MAPRE2: variants seen among roughly 807,000 people sequenced by gnomAD.
The protein encoded by MAPRE2 is microtubule-associated protein RP/EB family member 2.
Under a neutral mutation model 43.2 loss-of-function variants are expected in MAPRE2, and 13 were observed. The observed-to-expected ratio is 0.30, with a 90% CI of 0.20 to 0.48. MAPRE2 has a LOEUF of 0.48. Among genes scored for constraint, MAPRE2 ranks in the 20% least tolerant of loss-of-function variants. The pLI is 0.99. For missense variants in MAPRE2, 161 were observed against 400.2 expected, an observed-to-expected ratio of 0.40 and a Z score of 5.10; for synonymous variants, 135 against 148.8, an observed-to-expected ratio of 0.91 and a Z score of 0.68.
At chr18:35,036,899 T>C (rs2097050856), upstream of MAPRE2, among the ~76,000 whole-genome samples, 2 of 152,230 alleles carry the variant, frequency 1.3e-5, no homozygotes, top group Admixed American at 1.3e-4. Context: ...GCCCTTGCTC[T>C]AAGGGGTCTC....
At chr18:35,051,278 G>A (rs554329052) in intron 1 of MAPRE2, among the ~76,000 whole-genome samples, 4 of 152,290 alleles carry the variant, frequency 2.6e-5, no homozygotes, top group South Asian at 4.1e-4. Context: ...CTAGGCAGGG[G>A]TCTGGCAGGA....
intron 4 of MAPRE2, among the ~76,000 whole-genome samples, chr18:35,118,197 T>C (rs745575364): frequency 3.9e-5 from 6 of 152,092 alleles, no homozygotes; most frequent in Non-Finnish European, 7.4e-5. Flanking sequence ...GACCACTCTG[T>C]GCCACAGCAG....
intron 4 of MAPRE2, among the ~76,000 whole-genome samples, chr18:35,122,602 C>T (rs1397073545): frequency 6.6e-6 from 1 of 152,214 alleles, no homozygotes; most frequent in African/African-American, 2.4e-5. Context: ...TCTTCCTTCA[C>T]TCAGCCTGCA....
At chr18:35,005,771 C>T (rs1418946970) in intron 2 of MAPRE2, among the ~76,000 whole-genome samples, 1 of 152,072 alleles carries the variant, frequency 6.6e-6, no homozygotes, top group Non-Finnish European at 1.5e-5. Flanking sequence ...GTAATTCCTC[C>T]AAAAATGGTC....
intron 2 of MAPRE2, among the ~76,000 whole-genome samples, chr18:35,024,624 A>T (rs1200179408): frequency 6.6e-6 from 1 of 152,186 alleles, no homozygotes; most frequent in East Asian, 1.9e-4. Context: ...TTCATTTCCC[A>T]TTTTGGAGAG....
chr18:35,091,622 A>C (rs1156301628), intron 2 of MAPRE2, among the ~76,000 whole-genome samples: 1 of 152,192 alleles, frequency 6.6e-6, no homozygotes, highest in Non-Finnish European at 1.5e-5. Flanking sequence ...TACTGAACAA[A>C]AAGAACAATG....
intron 4 of MAPRE2, among the ~76,000 whole-genome samples, chr18:35,105,489 A>G (rs1054561144): frequency 3.9e-5 from 6 of 152,138 alleles, no homozygotes; most frequent in African/African-American, 1.2e-4. Flanking sequence ...CTATAAATGC[A>G]TTAAGACCTC....
chr18:34,995,187 A>C (rs2097025857), intron 1 of MAPRE2, among the ~76,000 whole-genome samples: 1 of 152,224 alleles, frequency 6.6e-6, no homozygotes. Context: ...AAGTATGGGC[A>C]ATCTCAAATT....
Position 35,041,475 on chromosome 18 carries a change from A to G in MAPRE2, c.-65A>G. 5.0e-6 allele frequency: 8 copies of G among 1,612,016 alleles called. No homozygotes were observed. The highest frequency in any genetic ancestry group is 1.3e-5 in the African/African-American group (1 of 74,966). On this transcript the variant is annotated 5_prime_UTR_variant, in exon 1 of 7. Transcript: ENST00000300249. ...GTGCGGAGCAGGCGAGCGAGCGGGA[A>G]GACGCAGCCACCTTCCTCACCAGCC...
rs1308062969 is a variant in MAPRE2 at position 35,142,157 on chromosome 18, A to T, written c.*1788A>T. On this transcript the variant is annotated 3_prime_UTR_variant, in exon 7 of 7. Coordinates refer to ENST00000300249, the MANE Select transcript of MAPRE2 (RefSeq NM_014268.4). ...GCTCTCGGCAGTGACGTCCTCCCAC[A>T]CCTGGTCACAAGTAGTAGTGGCTGT... 6.6e-6 allele frequency: 1 copy of T among 152,220 alleles called. No individual in the cohort carries two copies. The highest frequency in any genetic ancestry group is 1.9e-4 in the East Asian group (1 of 5,192). 9.4% of individuals were successfully genotyped at this position (152,220 alleles called of 1,614,324 possible).
intron 2 of MAPRE2, among the ~76,000 whole-genome samples, chr18:35,007,861 C>T (rs898506168): frequency 3.3e-5 from 5 of 152,050 alleles, no homozygotes; most frequent in Non-Finnish European, 5.9e-5. Flanking sequence ...CTTCCATATC[C>T]GTGGATTCCA....
At chr18:34,987,329 C>T (rs1568962903) in intron 1 of MAPRE2, among the ~76,000 whole-genome samples, 1 of 152,168 alleles carries the variant, frequency 6.6e-6, no homozygotes, top group Non-Finnish European at 1.5e-5. Context: ...ATCAGCATCA[C>T]CTAGGAGTGT....
intron 1 of MAPRE2, among the ~76,000 whole-genome samples, chr18:34,992,737 T>C (rs997651348): frequency 1.3e-5 from 2 of 152,228 alleles, no homozygotes; most frequent in African/African-American, 4.8e-5. Context: ...AATAGGCAGA[T>C]GCAGTGATAA....
At chr18:35,012,705 A>T (rs2150583648) in intron 2 of MAPRE2, among the ~76,000 whole-genome samples, 1 of 152,308 alleles carries the variant, frequency 6.6e-6, no homozygotes, top group African/African-American at 2.4e-5. Context: ...AAATTCATGG[A>T]GACAGAAAGT....
chr18:35,086,312 A>T (rs1442145806), intron 2 of MAPRE2, among the ~76,000 whole-genome samples: 3 of 151,798 alleles, frequency 2.0e-5, no homozygotes, highest in Non-Finnish European at 4.4e-5. Context: ...TCTCATATAT[A>T]TGGGCGATCA....
At position 35,140,351 on chromosome 18, in the gene MAPRE2, G is replaced by A. The variant is rs140836474; in HGVS notation, c.966G>A (p.Pro322=). 8.6e-3 allele frequency: 13,950 copies of A among 1,613,118 alleles called. 72 individuals carry two copies. The highest frequency in any genetic ancestry group is 0.026 in the Middle Eastern group (157 of 6,060). ...AEEQAHEQQP[P]QQEEY ...AGCAAGCCCACGAACAGCAGCCCCCGCAGCAGGAAGAGTACTGACCCACCC... is the reference window on the plus strand; with the variant it reads ...AGCAAGCCCACGAACAGCAGCCCCCACAGCAGGAAGAGTACTGACCCACCC... Residue 322 remains proline (P), a synonymous_variant, in exon 7 of 7, where the codon CCG becomes CCA. Transcript: ENST00000300249.
At chr18:35,111,073 A>G (rs531832278) in intron 4 of MAPRE2, among the ~76,000 whole-genome samples, 87 of 152,026 alleles carry the variant, frequency 5.7e-4, no homozygotes, top group African/African-American at 1.8e-3. Context: ...TCATTTATCC[A>G]TATGTTAGAG....
intron 1 of MAPRE2, among the ~76,000 whole-genome samples, chr18:35,062,148 GA>G (rs1906564925): frequency 6.6e-6 from 1 of 152,100 alleles, no homozygotes; most frequent in East Asian, 1.9e-4. Flanking sequence ...CTTTTCAGAG[GA>G]AAAGACGTTT....
At chr18:35,002,496 C>T (rs902496273) in intron 1 of MAPRE2, among the ~76,000 whole-genome samples, 1 of 152,266 alleles carries the variant, frequency 6.6e-6, no homozygotes, top group African/African-American at 2.4e-5. Flanking sequence ...AACTGTTTTC[C>T]ACAGTAGCTC....
Sources: gnomAD v4.1 joint callset for allele counts (sites outside exome capture counted in the v4.1 genomes callset) on GRCh38, gnomAD v4.1.1 for gene constraint, MANE v1.5 for transcripts, NCBI Gene and HGNC (gene_info 2026-07-23, HGNC 2026-07-21) for gene names.